TAOK3: variants seen among roughly 807,000 people sequenced by gnomAD.
TAOK3 encodes serine/threonine-protein kinase TAO3.
TAOK3 carries 40 observed loss-of-function variants against 120.4 expected under a neutral mutation model. The ratio of observed to expected loss-of-function variants is 0.33; its 90% CI spans 0.26 to 0.43. The LOEUF (loss-of-function observed/expected upper bound fraction) is 0.43. TAOK3 is among the 20% of genes least tolerant of loss of function. The probability of loss-of-function intolerance (pLI) is 1.00; values close to 1 mark genes in which losing one functional copy is unlikely to be tolerated. For missense variants in TAOK3, 821 were observed against 1,112.1 expected (o/e 0.74, Z 3.72); for synonymous variants, 355 against 387.5 (o/e 0.92, Z 0.99).
chr12:118,260,553 C>G (rs751281607), intron 2 of TAOK3, among the ~76,000 whole-genome samples: 12 of 152,060 alleles, frequency 7.9e-5, no homozygotes, highest in African/African-American at 9.7e-5. Flanking sequence ...AATTAGTGGT[C>G]AAGGACATTA....
intron 5 of TAOK3, among the ~76,000 whole-genome samples, chr12:118,240,476 G>GC (rs1210503279): frequency 3.3e-5 from 5 of 151,930 alleles, no homozygotes; most frequent in Non-Finnish European, 5.9e-5. Context: ...ACCGTGCCCG[G>GC]CCTCTTTCTG....
intron 19 of TAOK3, chr12:118,152,637 C>T (rs2034533558): frequency 2.1e-6 from 1 of 474,578 alleles, no homozygotes; most frequent in African/African-American, 1.9e-5. Context: ...TCTGAAACCA[C>T]AGCAGCAGGC....
chr12:118,312,135 G>A (rs1202342294), intron 1 of TAOK3, among the ~76,000 whole-genome samples: 3 of 152,006 alleles, frequency 2.0e-5, no homozygotes, highest in African/African-American at 4.8e-5. Context: ...AAATATAATT[G>A]TAAATCTATA....
intron 1 of TAOK3, among the ~76,000 whole-genome samples, chr12:118,300,395 C>G (rs1021413874): frequency 6.6e-6 from 1 of 152,114 alleles, no homozygotes; most frequent in Admixed American, 6.5e-5. Flanking sequence ...TAAATGTGAG[C>G]TGAATATCAA....
At chr12:118,164,999 T>C (rs982653215) in intron 17 of TAOK3, among the ~76,000 whole-genome samples, 3 of 152,142 alleles carry the variant, frequency 2.0e-5, no homozygotes, top group Non-Finnish European at 2.9e-5. Flanking sequence ...TTGTAGGAAC[T>C]AGGGATAGAA....
chr12:118,194,769 G>C (rs867153773), intron 13 of TAOK3, among the ~76,000 whole-genome samples: 4 of 151,862 alleles, frequency 2.6e-5, no homozygotes, highest in Non-Finnish European at 5.9e-5. Context: ...TCCACCAGAC[G>C]GAGTCTTTGC....
At chr12:118,204,764 T>C (rs2038206291) in intron 11 of TAOK3, among the ~76,000 whole-genome samples, 2 of 152,328 alleles carry the variant, frequency 1.3e-5, no homozygotes, top group South Asian at 2.1e-4. Context: ...GCATGGTGGC[T>C]CATTCCTGTA....
intron 17 of TAOK3, among the ~76,000 whole-genome samples, chr12:118,167,601 A>G (rs1347648742): frequency 4.6e-5 from 7 of 152,010 alleles, no homozygotes; most frequent in African/African-American, 1.7e-4. Context: ...GTTACAAAAC[A>G]GTGGAGTGGA....
chr12:118,151,276 A>AGT (rs774543526), intron 20 of TAOK3, 118 bp from the exon 21 acceptor site: 1 of 819,336 alleles, frequency 1.2e-6, no homozygotes, highest in Non-Finnish European at 1.8e-6. Context: ...ACACACATGA[A>AGT]GTGCGCGCGC....
chr12:118,221,696 G>A (rs1042098592), intron 9 of TAOK3, among the ~76,000 whole-genome samples: 6 of 146,686 alleles, frequency 4.1e-5, no homozygotes, highest in African/African-American at 1.0e-4. Context: ...GTGCAGTGGC[G>A]CGATCTCAGC....
At chr12:118,185,094 C>A (rs1362513787) in intron 14 of TAOK3, among the ~76,000 whole-genome samples, 2 of 146,676 alleles carry the variant, frequency 1.4e-5, no homozygotes, top group African/African-American at 2.5e-5. Flanking sequence ...GAAGAAGGGG[C>A]ACATTTAAGG....
At chr12:118,162,609 A>G (rs17619569) in intron 17 of TAOK3, among the ~76,000 whole-genome samples, 7,964 of 152,208 alleles carry the variant, frequency 0.052, 412 homozygotes, top group East Asian at 0.23. Flanking sequence ...TTTTGCATGA[A>G]TCAGAGGTAG....
chr12:118,354,986 G>C (rs548529977), intron 1 of TAOK3, among the ~76,000 whole-genome samples: 186 of 152,094 alleles, frequency 1.2e-3, no homozygotes, highest in Non-Finnish European at 1.9e-3. Flanking sequence ...TTGAGTCTAG[G>C]AGTTTGAGGC....
At chr12:118,285,498 G>A (rs928916131) in intron 1 of TAOK3, among the ~76,000 whole-genome samples, 30 of 152,014 alleles carry the variant, frequency 2.0e-4, no homozygotes, top group African/African-American at 6.8e-4. Context: ...GATTACAGGC[G>A]CCTGCCATCA....
intron 1 of TAOK3, among the ~76,000 whole-genome samples, chr12:118,314,936 T>C (rs933080712): frequency 2.6e-5 from 4 of 152,002 alleles, no homozygotes; most frequent in Non-Finnish European, 4.4e-5. Context: ...TTCTTTTTTT[T>C]TTTTAAGATG....
chr12:118,343,521 C>T (rs1299949499), intron 1 of TAOK3, among the ~76,000 whole-genome samples: 1 of 151,076 alleles, frequency 6.6e-6, no homozygotes, highest in Non-Finnish European at 1.5e-5. Flanking sequence ...CCCAGTAAAA[C>T]AATTTAAGAT....
chr12:118,201,054 C>T (rs893049887), intron 12 of TAOK3: 13 of 341,210 alleles, frequency 3.8e-5, no homozygotes, highest in Middle Eastern at 8.1e-4. Context: ...CTAATCCCAC[C>T]AGCAGACTTA....
In TAOK3 at chr12:118,209,715, TTC is replaced by T. The variant is rs1315126141; in HGVS notation, c.819+3197_819+3198del. ...CACCCGGCTCTTCTTCTTCTTCTTC[TTC>T]TTTTTTTTTTTTTGAGACAGGGTTT... On this transcript the variant is annotated intron_variant, in intron 11 of 20. Coordinates refer to ENST00000392533, the MANE Select transcript of TAOK3 (RefSeq NM_016281.4). 6.6e-3 allele frequency among the ~76,000 whole-genome samples: 406 copies of T among 61,266 alleles called. 1 individual carries two copies. Among genetic ancestry groups the T allele is most frequent in the African/African-American group, 0.021 (359 of 17,004 alleles). 40.2% of individuals were successfully genotyped at this position (61,266 alleles called of 152,430 possible).
At chr12:118,213,023 T>C (rs1342499090) in intron 10 of TAOK3, 28 bp from the exon 11 acceptor site, 16 of 1,499,730 alleles carry the variant, frequency 1.1e-5, no homozygotes, top group African/African-American at 1.4e-5. Context: ...CAAAAGAAAA[T>C]AAACTCAGGG....
Sources: gnomAD v4.1 joint callset for allele counts (sites outside exome capture counted in the v4.1 genomes callset) on GRCh38, gnomAD v4.1.1 for gene constraint, MANE v1.5 for transcripts, NCBI Gene and HGNC (gene_info 2026-07-23, HGNC 2026-07-21) for gene names.